Variants in TMBIM4 observed in about 807,000 individuals in gnomAD.
The protein encoded by TMBIM4 is transmembrane BAX inhibitor motif containing 4, also known as protein lifeguard 4.
TMBIM4 carries 28 observed loss-of-function variants against 27.7 expected under a neutral mutation model. That is an observed-to-expected ratio of 1.01 (90% CI 0.75 to 1.38). TMBIM4 has a LOEUF of 1.38. Ranked by LOEUF, TMBIM4 falls within the 40% of genes most tolerant of loss-of-function variation. The pLI is 0.00. For synonymous variants in TMBIM4, 115 were observed against 113.1 expected (o/e 1.02, Z -0.11); for missense variants, 265 against 277.5 (o/e 0.95, Z 0.32).
In TMBIM4 at chr12:66,153,449, C is replaced by A; in HGVS notation, c.98-1G>T. 6.6e-7 allele frequency: 1 copy of A among 1,523,896 alleles called. No homozygotes were observed. The highest frequency in any genetic ancestry group is 1.2e-5 in the South Asian group (1 of 82,136). 94.4% of individuals were successfully genotyped at this position (1,523,896 alleles called of 1,614,324 possible). A position where few individuals can be genotyped will look rare whatever the true frequency, so the allele number is the denominator to read the frequency against. ...ATGCTGTAGACTTTTCTCAGAAAGG[C>A]TAAAAGAGAAAAAAAATTACATTAC... On this transcript the variant is annotated splice_acceptor_variant, in intron 1 of 6. Transcript: ENST00000358230. LOFTEE classifies it high-confidence loss of function.
chr12:66,150,651 A>C (rs942028625), intron 3 of TMBIM4, among the ~76,000 whole-genome samples: 8 of 152,092 alleles, frequency 5.3e-5, no homozygotes, highest in African/African-American at 1.9e-4. Flanking sequence ...GAACTCAAGC[A>C]ACATGCCTGC....
intron 1 of TMBIM4, chr12:66,160,036 G>A (rs762906261): frequency 1.8e-5 from 10 of 561,346 alleles, no homozygotes; most frequent in Non-Finnish European, 3.2e-5. Flanking sequence ...ACCTGGTTTT[G>A]TAACTGAAGT....
At position 66,136,242 on chromosome 12, in the gene TMBIM4, T is replaced by G. The variant is rs2051580024; in HGVS notation, c.*1718A>C. ...ATGAGGCAGAAGACCTAAGGAAGGA[T>G]AAATAATTCGCCAAATGTCACTTAA... On this transcript the variant is annotated 3_prime_UTR_variant, in exon 7 of 7. Coordinates refer to ENST00000358230, the MANE Select transcript of TMBIM4 (RefSeq NM_016056.4). 6.6e-6 allele frequency: 1 copy of G among 152,196 alleles called. No homozygotes were observed. The highest frequency in any genetic ancestry group is 1.5e-5 in the Non-Finnish European group (1 of 68,048). 9.4% of individuals were successfully genotyped at this position (152,196 alleles called of 1,614,324 possible). A position where few individuals can be genotyped will look rare whatever the true frequency, so the allele number is the denominator to read the frequency against.
At chr12:66,140,303 CA>C (rs1448054188) in intron 5 of TMBIM4, among the ~76,000 whole-genome samples, 2 of 151,562 alleles carry the variant, frequency 1.3e-5, no homozygotes, top group Non-Finnish European at 2.9e-5. Flanking sequence ...TATTTTTTTT[CA>C]AAAGACACAA....
chr12:66,163,860 C>A (rs2052082459), intron 1 of TMBIM4, among the ~76,000 whole-genome samples: 1 of 152,130 alleles, frequency 6.6e-6, no homozygotes, highest in African/African-American at 2.4e-5. Flanking sequence ...ACCCTGATAC[C>A]AAAGCCAAAG....
chr12:66,137,964 T>C lies in TMBIM4; in HGVS notation c.713A>G (p.Lys238Arg). ...LLRFLEAVNK[K>R] Reference sequence around the variant, plus strand: ...GTTGAGCTGAGATACTTTTAATTACTTTTTATTAACTGCTTCCAGAAACCG... The same window carrying C: ...GTTGAGCTGAGATACTTTTAATTACCTTTTATTAACTGCTTCCAGAAACCG... The change falls in exon 7 of 7, where the codon AAG (lysine) becomes AGG (arginine). Residue 238 changes from lysine to arginine, a missense_variant. By Grantham distance (26) the Lys-to-Arg change is conservative (BLOSUM62 2). Coordinates refer to ENST00000358230, the MANE Select transcript of TMBIM4 (RefSeq NM_016056.4). 6.2e-7 allele frequency: 1 copy of C among 1,612,648 alleles called. No individual in the cohort carries two copies. The highest frequency in any genetic ancestry group is 8.5e-7 in the Non-Finnish European group (1 of 1,179,684).
At position 66,139,649 on chromosome 12, in the gene TMBIM4, G is replaced by C. The variant is rs1004789029; in HGVS notation, c.465-880C>G. ...GAAGCCAAGGTAGCTAGAATTTGCA[G>C]GGCAGAATATCAGAAAGAAGAGAAC... On this transcript the variant is annotated intron_variant, in intron 5 of 6. Transcript: ENST00000358230. The C allele has an allele frequency of 6.6e-6, 3 of 456,006 alleles. No individual in the cohort carries two copies. The Admixed American group carries it at 7.0e-5, about 11-fold the overall frequency. 28.2% of individuals were successfully genotyped at this position (456,006 alleles called of 1,614,324 possible).
At chr12:66,139,560 A>C in intron 5 of TMBIM4, 2 of 455,218 alleles carry the variant, frequency 4.4e-6, no homozygotes, top group Non-Finnish European at 8.8e-6. Context: ...GCGTGTAGGG[A>C]TAAGAACCCA....
chr12:66,168,220 CAA>C (rs762237233), intron 1 of TMBIM4, among the ~76,000 whole-genome samples: 56 of 79,098 alleles, frequency 7.1e-4, no homozygotes, highest in Non-Finnish European at 7.5e-4. Context: ...GACCCTGTCT[CAA>C]AAAAAAAAAA....
At chr12:66,162,781 AC>A (rs2052064231) in intron 1 of TMBIM4, among the ~76,000 whole-genome samples, 1 of 152,204 alleles carries the variant, frequency 6.6e-6, no homozygotes, top group Non-Finnish European at 1.5e-5. Flanking sequence ...TTATTCCCAA[AC>A]AAAATGTTTA....
intron 3 of TMBIM4, among the ~76,000 whole-genome samples, chr12:66,150,909 T>C (rs1176552355): frequency 6.6e-6 from 1 of 152,220 alleles, no homozygotes; most frequent in African/African-American, 2.4e-5. Flanking sequence ...CAAACATTTG[T>C]CACTGAATTT....
At chr12:66,169,822 C>G (rs1017513209) in intron 1 of TMBIM4, 33 bp downstream of exon 1, 1 of 1,480,940 alleles carries the variant, frequency 6.8e-7, no homozygotes, top group African/African-American at 1.5e-5. Flanking sequence ...TGCAGACAAG[C>G]GGCTGGGAGG....
chr12:66,164,849 C>T (rs2052099289), intron 1 of TMBIM4, among the ~76,000 whole-genome samples: 1 of 152,082 alleles, frequency 6.6e-6, no homozygotes, highest in Non-Finnish European at 1.5e-5. Context: ...CTAAAGATTC[C>T]ATAAACTGTT....
chr12:66,140,448 C>T (rs533193237), intron 5 of TMBIM4, among the ~76,000 whole-genome samples: 7 of 151,782 alleles, frequency 4.6e-5, no homozygotes, highest in Non-Finnish European at 7.4e-5. Context: ...CAAAATGAAT[C>T]GCAGAGAGAA....
chr12:66,168,324 T>G (rs1055059269), intron 1 of TMBIM4, among the ~76,000 whole-genome samples: 1 of 152,034 alleles, frequency 6.6e-6, no homozygotes, highest in Non-Finnish European at 1.5e-5. Context: ...AAATACTGAT[T>G]GTATCTAGAG....
In TMBIM4 at chr12:66,147,908, C is replaced by G; in HGVS notation, c.346G>C (p.Val116Leu). The G allele has an allele frequency of 6.2e-7, 1 of 1,610,450 alleles. No homozygotes were observed. Among genetic ancestry groups the G allele is most frequent in the Non-Finnish European group, 8.5e-7 (1 of 1,178,142 alleles). ...LLEALTVAVV[V>L]TFYDVYIILQ... ...ATATAGAAATGCAGTTACGGCTTAC[C>G]AACAACTGCCACAGTCAGAGCTTCC... Residue 116 changes from valine to leucine, a missense_variant and splice_region_variant, in exon 4 of 7, where the codon GTT becomes CTT. By Grantham distance (32) the Val-to-Leu change is conservative. Coordinates refer to ENST00000358230, the MANE Select transcript of TMBIM4 (RefSeq NM_016056.4).
intron 5 of TMBIM4, among the ~76,000 whole-genome samples, chr12:66,142,581 C>T (rs529306298): frequency 3.3e-5 from 5 of 151,874 alleles, no homozygotes; most frequent in South Asian, 2.1e-4. Flanking sequence ...GGTTGTGTTA[C>T]AAGAGAGGAA....
At position 66,169,930 on chromosome 12, in the gene TMBIM4, A is replaced by G. The variant is rs768853389; in HGVS notation, c.22T>C (p.Tyr8His). The change falls in exon 1 of 7, where the codon TAC (tyrosine) becomes CAC (histidine). Residue 8 changes from tyrosine (Y) to histidine (H), a missense_variant. By Grantham distance (83) the Tyr-to-His change is moderately conservative (BLOSUM62 2). Transcript: ENST00000358230. ...TCGTCCTCGATCGAGGAGCGAGGGTACCGGGGGTCGGGGTCAGCCATGATG... is the reference window on the plus strand; with the variant it reads ...TCGTCCTCGATCGAGGAGCGAGGGTGCCGGGGGTCGGGGTCAGCCATGATG... The part of the protein sequence containing the change: MADPDPR[Y>H]PRSSIEDDFN... 1.3e-5 allele frequency: 19 copies of G among 1,495,122 alleles called. No homozygotes were observed. Among genetic ancestry groups the G allele is most frequent in the East Asian group, 2.9e-5 (1 of 34,954 alleles). The allele number at this position is 1,495,122 out of a possible 1,614,324, so 92.6% of individuals were successfully genotyped here. A position where few individuals can be genotyped will look rare whatever the true frequency, so the allele number is the denominator to read the frequency against.
intron 4 of TMBIM4, among the ~76,000 whole-genome samples, chr12:66,147,496 G>A (rs1474094310): frequency 6.6e-6 from 1 of 152,220 alleles, no homozygotes; most frequent in African/African-American, 2.4e-5. Flanking sequence ...GATAAAATAT[G>A]AGGATATAAT....
Sources: allele counts gnomAD v4.1 joint callset (sites outside exome capture counted in the v4.1 genomes callset), GRCh38; gene constraint gnomAD v4.1.1; transcripts MANE v1.5; gene names NCBI Gene and HGNC (gene_info 2026-07-23, HGNC 2026-07-21).